Variants in CLSTN2 observed in about 807,000 individuals in gnomAD.
CLSTN2 encodes the protein calsyntenin-2.
Under a neutral mutation model 101.2 loss-of-function variants are expected in CLSTN2, and 48 were observed. That is an observed-to-expected ratio of 0.47 (90% confidence interval 0.38 to 0.60). The LOEUF (loss-of-function observed/expected upper bound fraction) is 0.60. CLSTN2 is among the 20% of genes least tolerant of loss of function. The probability of loss-of-function intolerance (pLI) is 0.00; values close to 1 mark genes in which losing one functional copy is unlikely to be tolerated. For missense variants in CLSTN2, 1,160 were observed against 1,238.2 expected (o/e 0.94, Z 0.95); for synonymous variants, 481 against 463.6 (o/e 1.04, Z -0.48).
chr3:140,086,892 C>T (rs897117412), intron 1 of CLSTN2, among the ~76,000 whole-genome samples: 6 of 152,184 alleles, frequency 3.9e-5, no homozygotes, highest in Non-Finnish European at 5.9e-5. Context: ...AAGAGCTTCC[C>T]ATTTTCCTCA....
Position 140,337,740 on chromosome 3 carries a change from C to T in CLSTN2, c.233-65889C>T, listed in dbSNP as rs541320685. Among the ~76,000 whole-genome samples the T allele has an allele frequency of 4.6e-5, 7 of 152,288 alleles. No homozygotes were observed. The South Asian group carries it at 6.2e-4, about 14-fold the overall frequency. On this transcript the variant is annotated intron_variant, in intron 2 of 16. Coordinates refer to ENST00000458420, the MANE Select transcript of CLSTN2 (RefSeq NM_022131.3). ...CCCCAGATTAGGTTCTCAACTAAAG[C>T]ATCTCTGCAGGGGTGTCATGGAAAC...
chr3:140,240,216 A>ATATATATG (rs1253579353), intron 2 of CLSTN2, among the ~76,000 whole-genome samples: 237 of 27,028 alleles, frequency 8.8e-3, no homozygotes, highest in Admixed American at 0.013. Flanking sequence ...ACACACACAC[A>ATATATATG]CACACATATA....
chr3:140,496,215 T>C (rs1393250744), intron 8 of CLSTN2, among the ~76,000 whole-genome samples: 1 of 152,200 alleles, frequency 6.6e-6, no homozygotes, highest in African/African-American at 2.4e-5. Flanking sequence ...TATTTTATTC[T>C]CTTTGTAGCA....
chr3:139,996,256 T>A (rs979126628), intron 1 of CLSTN2, among the ~76,000 whole-genome samples: 1 of 152,256 alleles, frequency 6.6e-6, no homozygotes, highest in Non-Finnish European at 1.5e-5. Flanking sequence ...CTTTAATATG[T>A]TACTTTGTGT....
chr3:139,985,405 G>A (rs746083377), intron 1 of CLSTN2, among the ~76,000 whole-genome samples: 25 of 152,020 alleles, frequency 1.6e-4, no homozygotes, highest in Non-Finnish European at 1.3e-4. Flanking sequence ...TTGTTCCCTC[G>A]CAAAACCTCT....
intron 2 of CLSTN2, among the ~76,000 whole-genome samples, chr3:140,396,167 G>A (rs1324679942): frequency 6.6e-6 from 1 of 152,098 alleles, no homozygotes; most frequent in Admixed American, 6.6e-5. Flanking sequence ...CCATCACTGC[G>A]ATGAGCAAAA....
intron 12 of CLSTN2, among the ~76,000 whole-genome samples, chr3:140,560,431 TC>T (rs894456173): frequency 6.6e-6 from 1 of 152,182 alleles, no homozygotes; most frequent in Admixed American, 6.5e-5. Flanking sequence ...TCCTTCCCTA[TC>T]CCTTGATTCC....
At chr3:140,519,744 T>C (rs1934990346) in intron 8 of CLSTN2, among the ~76,000 whole-genome samples, 1 of 152,234 alleles carries the variant, frequency 6.6e-6, no homozygotes, top group Admixed American at 6.5e-5. Context: ...AGCATACTGA[T>C]GGGTCTTGGC....
At chr3:140,565,979 T>C in intron 16 of CLSTN2, 74 bp from the exon 17 acceptor site, 1 of 1,586,178 alleles carries the variant, frequency 6.3e-7, no homozygotes, top group Non-Finnish European at 8.6e-7. Context: ...CCTTAATGGA[T>C]GGAGAGACAT....
intron 2 of CLSTN2, among the ~76,000 whole-genome samples, chr3:140,376,770 G>A (rs1172958422): frequency 6.6e-6 from 1 of 152,162 alleles, no homozygotes; most frequent in Non-Finnish European, 1.5e-5. Context: ...GTTATTTGTA[G>A]TATTCTCATA....
intron 1 of CLSTN2, among the ~76,000 whole-genome samples, chr3:140,032,845 A>G (rs2007583022): frequency 6.6e-6 from 1 of 152,212 alleles, no homozygotes; most frequent in African/African-American, 2.4e-5. Flanking sequence ...GCAATTGAGG[A>G]TAACAAAATG....
intron 1 of CLSTN2, among the ~76,000 whole-genome samples, chr3:140,054,932 T>C (rs1004827354): frequency 6.6e-6 from 1 of 152,220 alleles, no homozygotes; most frequent in African/African-American, 2.4e-5. Context: ...CACCCAAATT[T>C]GATTTCCACC....
intron 2 of CLSTN2, among the ~76,000 whole-genome samples, chr3:140,345,491 C>G (rs1049526774): frequency 3.3e-5 from 5 of 151,938 alleles, no homozygotes; most frequent in Non-Finnish European, 7.4e-5. Context: ...CTCAGGCGAT[C>G]CGCCTGCCTC....
At chr3:140,428,090 C>T (rs2088592151) in intron 5 of CLSTN2, among the ~76,000 whole-genome samples, 1 of 152,146 alleles carries the variant, frequency 6.6e-6, no homozygotes, top group Non-Finnish European at 1.5e-5. Flanking sequence ...GCCTGCTGAG[C>T]CCTCCTTACA....
intron 2 of CLSTN2, among the ~76,000 whole-genome samples, chr3:140,208,973 C>T (rs761295602): frequency 3.9e-5 from 6 of 152,190 alleles, no homozygotes; most frequent in Non-Finnish European, 7.4e-5. Flanking sequence ...TGAAAAGATA[C>T]AGTGTATATA....
At chr3:139,978,799 T>C (rs955673904) in intron 1 of CLSTN2, among the ~76,000 whole-genome samples, 1 of 151,888 alleles carries the variant, frequency 6.6e-6, no homozygotes. Flanking sequence ...GGTAGCAATA[T>C]AAGCATGTTG....
At chr3:140,429,257 T>C (rs1400609151) in intron 5 of CLSTN2, among the ~76,000 whole-genome samples, 1 of 152,062 alleles carries the variant, frequency 6.6e-6, no homozygotes, top group Non-Finnish European at 1.5e-5. Flanking sequence ...TGCTAAAGGC[T>C]GGGGATACGG....
chr3:139,947,553 T>C (rs79567522), intron 1 of CLSTN2, among the ~76,000 whole-genome samples: 2,062 of 152,346 alleles, frequency 0.014, 32 homozygotes, highest in African/African-American at 0.047. Context: ...ATGCTTTTAT[T>C]TGTGGGAGAA....
At chr3:140,310,763 A>G (rs759196898) in intron 2 of CLSTN2, among the ~76,000 whole-genome samples, 3 of 152,224 alleles carry the variant, frequency 2.0e-5, no homozygotes, top group Non-Finnish European at 4.4e-5. Context: ...ATGAGATAAT[A>G]CAAGAAAAGT....
Sources: gnomAD v4.1 joint callset for allele counts (sites outside exome capture counted in the v4.1 genomes callset) on GRCh38, gnomAD v4.1.1 for gene constraint, MANE v1.5 for transcripts, NCBI Gene and HGNC (gene_info 2026-07-23, HGNC 2026-07-21) for gene names.